EFHC2: variants seen among roughly 807,000 people sequenced by gnomAD.
EFHC2 encodes EF-hand domain-containing family member C2.
EFHC2 carries 18 observed loss-of-function variants against 52.7 expected under a neutral mutation model. That is an observed-to-expected ratio of 0.34 (90% CI 0.24 to 0.51). EFHC2 has a LOEUF of 0.51. Ranked by LOEUF, EFHC2 falls within the 20% of genes least tolerant of loss-of-function variation. EFHC2 has a pLI of 0.97. For synonymous variants in EFHC2, 203 were observed against 204.1 expected (o/e 0.99, Z 0.04); for missense variants, 513 against 562.5 (o/e 0.91, Z 0.89).
intron 11 of EFHC2, among the ~76,000 whole-genome samples, chrX:44,216,514 C>T (rs1054543389): frequency 9.0e-6 from 1 of 111,281 alleles, no homozygotes; most frequent in Non-Finnish European, 1.9e-5. Context: ...AGCTTGGCCT[C>T]GGAAGCCACG....
chrX:44,318,720 A>G (rs1229862877), intron 1 of EFHC2, among the ~76,000 whole-genome samples: 3 of 111,370 alleles, frequency 2.7e-5, no homozygotes, highest in African/African-American at 9.8e-5. Flanking sequence ...TCTCAACTAG[A>G]TGACACATTT....
chrX:44,337,936 A>G (rs2038126402), intron 1 of EFHC2, among the ~76,000 whole-genome samples: 1 of 111,884 alleles, frequency 8.9e-6, no homozygotes, highest in African/African-American at 3.3e-5. Context: ...ATGTAATTAC[A>G]TATTTATTAT....
At chrX:44,156,178 G>A in intron 14 of EFHC2, among the ~76,000 whole-genome samples, 1 of 112,361 alleles carries the variant, frequency 8.9e-6, no homozygotes, top group Non-Finnish European at 1.9e-5. Flanking sequence ...GACATAACCC[G>A]ATGCTATAGA....
At chrX:44,165,362 G>C (rs992464933) in intron 13 of EFHC2, among the ~76,000 whole-genome samples, 5 of 111,420 alleles carry the variant, frequency 4.5e-5, no homozygotes, top group Admixed American at 9.6e-5. Context: ...ATTTTCTTTG[G>C]CCAAGGATTC....
chrX:44,177,557 A>G (rs1469850410), intron 12 of EFHC2, among the ~76,000 whole-genome samples: 1 of 111,841 alleles, frequency 8.9e-6, no homozygotes, highest in East Asian at 2.8e-4. Flanking sequence ...GAATGCAAAA[A>G]AAACACATTA....
intron 2 of EFHC2, among the ~76,000 whole-genome samples, chrX:44,308,172 TCACACAACGTACTTA>T (rs1280185648): frequency 9.0e-6 from 1 of 111,198 alleles, no homozygotes; most frequent in Non-Finnish European, 1.9e-5. Flanking sequence ...ATGAATTAAC[TCACACAACGTACTTA>T]CACACAAACA....
At chrX:44,157,333 A>T (rs2036615020) in intron 14 of EFHC2, among the ~76,000 whole-genome samples, 1 of 111,155 alleles carries the variant, frequency 9.0e-6, no homozygotes, top group African/African-American at 3.3e-5. Flanking sequence ...GCTTGTTCTG[A>T]GCTCAAGGCT....
At chrX:44,217,630 A>C in intron 11 of EFHC2, among the ~76,000 whole-genome samples, 1 of 111,429 alleles carries the variant, frequency 9.0e-6, no homozygotes, top group East Asian at 2.8e-4. Context: ...TATTTGTGGG[A>C]TCTACAAGTC....
intron 11 of EFHC2, among the ~76,000 whole-genome samples, chrX:44,195,383 C>T (rs758737197): frequency 2.6e-4 from 29 of 111,865 alleles, no homozygotes; most frequent in African/African-American, 8.1e-4. Context: ...AGCCAACCCA[C>T]GGACCTGTAA....
intron 11 of EFHC2, among the ~76,000 whole-genome samples, chrX:44,187,489 G>A (rs1426746040): frequency 9.2e-6 from 1 of 109,176 alleles, no homozygotes; most frequent in Non-Finnish European, 1.9e-5. Flanking sequence ...ATGCCATAAT[G>A]AGCATCTATA....
At chrX:44,192,883 T>C (rs1007249981) in intron 11 of EFHC2, among the ~76,000 whole-genome samples, 2 of 110,624 alleles carry the variant, frequency 1.8e-5, no homozygotes, top group African/African-American at 6.6e-5. Flanking sequence ...GTTGTGACCA[T>C]AATGAAAATT....
intron 14 of EFHC2, among the ~76,000 whole-genome samples, chrX:44,162,928 G>A (rs1306260459): frequency 8.9e-6 from 1 of 111,876 alleles, no homozygotes; most frequent in Non-Finnish European, 1.9e-5. Context: ...CCAGCCTACA[G>A]CAGAGAACCT....
intron 2 of EFHC2, among the ~76,000 whole-genome samples, chrX:44,282,352 CCAGCA>C (rs1407730825): frequency 9.6e-6 from 1 of 104,400 alleles, no homozygotes; most frequent in Admixed American, 1.0e-4. Flanking sequence ...ACCTGTAATC[CCAGCA>C]CTTTGGGAGG....
At chrX:44,169,372 C>T (rs1015546891) in intron 13 of EFHC2, among the ~76,000 whole-genome samples, 2 of 111,227 alleles carry the variant, frequency 1.8e-5, no homozygotes, top group Non-Finnish European at 3.8e-5. Flanking sequence ...ATCTCCCAGG[C>T]TCAAGTGATC....
chrX:44,214,024 A>G (rs1024802441), intron 11 of EFHC2, among the ~76,000 whole-genome samples: 2 of 112,217 alleles, frequency 1.8e-5, no homozygotes, highest in Non-Finnish European at 3.8e-5. Flanking sequence ...GAAACTTCCA[A>G]AACCAAAATG....
intron 11 of EFHC2, among the ~76,000 whole-genome samples, chrX:44,195,779 C>T (rs903605610): frequency 1.5e-4 from 15 of 102,406 alleles, no homozygotes; most frequent in Non-Finnish European, 2.1e-5. Context: ...GAGACCACCA[C>T]TCACCTACCA....
rs996874856 is a variant in EFHC2 at position 44,175,998 on chromosome X, T to A, written c.2042+294A>T. On this transcript the variant is annotated intron_variant, in intron 13 of 14. Transcript: ENST00000420999. Reference sequence around the variant, plus strand: ...AACCTGCCCTGAATTTTACATCTAATGTCCTCCTAACCAACAAAGTTGTGT... The same window carrying A: ...AACCTGCCCTGAATTTTACATCTAAAGTCCTCCTAACCAACAAAGTTGTGT... Among the ~76,000 whole-genome samples, 16 of 112,399 alleles carry A rather than the reference T, an allele frequency of 1.4e-4. No homozygotes were observed. In the East Asian group the frequency reaches 4.2e-3, roughly 29 times the overall value.
intron 9 of EFHC2, among the ~76,000 whole-genome samples, chrX:44,233,609 G>A (rs1005434725): frequency 1.6e-4 from 18 of 111,603 alleles, no homozygotes; most frequent in African/African-American, 5.9e-4. Flanking sequence ...AATGATAGGT[G>A]GTAAAAAGAC....
intron 2 of EFHC2, among the ~76,000 whole-genome samples, chrX:44,308,132 T>A (rs1047002779): frequency 1.8e-5 from 2 of 111,201 alleles, no homozygotes; most frequent in African/African-American, 3.3e-5. Flanking sequence ...TAATAAAAAA[T>A]TTCTGATTTA....
Sources: allele counts gnomAD v4.1 joint callset (sites outside exome capture counted in the v4.1 genomes callset), GRCh38; gene constraint gnomAD v4.1.1; transcripts MANE v1.5; gene names NCBI Gene and HGNC (gene_info 2026-07-23, HGNC 2026-07-21).